Variants in PSMC1 observed in about 807,000 individuals in gnomAD.
PSMC1 encodes the protein 26S proteasome regulatory subunit 4.
A neutral mutation model predicts 49.8 loss-of-function variants in PSMC1; 5 were observed. The observed-to-expected ratio is 0.10, with a 90% CI of 0.05 to 0.21. PSMC1 has a LOEUF of 0.21. Among genes scored for constraint, PSMC1 ranks in the 10% least tolerant of loss-of-function variants. The pLI is 1.00. For missense variants in PSMC1, 181 were observed against 535.7 expected (o/e 0.34, Z 6.54); for synonymous variants, 155 against 192.1 (o/e 0.81, Z 1.60).
chr14:90,268,191 C>CTTTTTTT, intron 7 of PSMC1, 33 bp from the exon 8 acceptor site: 2 of 1,303,802 alleles, frequency 1.5e-6, no homozygotes, highest in African/African-American at 1.5e-5. Flanking sequence ...CTTAAGGTGT[C>CTTTTTTT]TTTTTTTTTT....
rs1891476913 is a variant in PSMC1, at chr14:90,265,010, C to T, written c.595-60C>T. 2.5e-5 allele frequency: 31 copies of T among 1,228,350 alleles called. 1 individual carries two copies. The South Asian group carries it at 3.7e-4, about 14-fold the overall frequency. The allele number at this position is 1,228,350 out of a possible 1,614,324, so 76.1% of individuals were successfully genotyped here. A position where few individuals can be genotyped will look rare whatever the true frequency, so the allele number is the denominator to read the frequency against. ...TTGAAAGCAAGATATTGTCATGTTG[C>T]CAATTAGTAAATATGCTAATAATTT... On this transcript the variant is annotated intron_variant, in intron 6 of 10. Transcript: ENST00000261303.
At chr14:90,267,111 TG>T (rs931226912) in intron 7 of PSMC1, among the ~76,000 whole-genome samples, 2 of 151,946 alleles carry the variant, frequency 1.3e-5, no homozygotes, top group African/African-American at 4.8e-5. Flanking sequence ...GGGCACTCTT[TG>T]CTGACTCTTG....
rs535113398 is a variant in PSMC1 at position 90,258,416 on chromosome 14, G to A, written c.4-744G>A. Among the ~76,000 whole-genome samples the A allele has an allele frequency of 1.9e-3, 287 of 152,310 alleles. 1 individual carries two copies. The highest frequency in any genetic ancestry group is 6.4e-3 in the African/African-American group (264 of 41,562). ...AAGTGCCTGTGTGGAGCTGATTTGA[G>A]GGAGCTGAGTGGGCCCTTCTAATCA... On this transcript the variant is annotated intron_variant, in intron 1 of 10. Transcript: ENST00000261303.
At chr14:90,265,936 A>G (rs7144335) in intron 7 of PSMC1, among the ~76,000 whole-genome samples, 54,423 of 151,862 alleles carry the variant, frequency 0.36, 10,247 homozygotes, top group East Asian at 0.52. Context: ...GGCCAAGCCT[A>G]GGAGCCATAG....
chr14:90,270,312 T>A lies in PSMC1; in HGVS notation c.1148T>A (p.Leu383Gln). 1 of 1,613,706 alleles carries A rather than the reference T, an allele frequency of 6.2e-7. No homozygotes were observed. The highest frequency in any genetic ancestry group is 8.5e-7 in the Non-Finnish European group (1 of 1,179,948). ...TLADDVTLDD[L>Q]IMAKDDLSGA... ...GCTGATGATGTAACCCTGGACGACC[T>A]GATCATGGCTAAAGATGACCTCTCT... The change falls in exon 10 of 11, where the codon CTG becomes CAG. Residue 383 changes from leucine (L) to glutamine (Q), a missense_variant. Coordinates refer to ENST00000261303, the MANE Select transcript of PSMC1 (RefSeq NM_002802.3).
intron 3 of PSMC1, among the ~76,000 whole-genome samples, chr14:90,261,979 AT>A (rs1891407199): frequency 6.6e-6 from 1 of 151,906 alleles, no homozygotes; most frequent in Admixed American, 6.6e-5. Context: ...ATAAAAAAGG[AT>A]GAGTTCATGT....
In PSMC1 at chr14:90,275,118, T is replaced by C. The variant is rs1692443876; in HGVS notation, c.*2711T>C. Reference sequence around the variant, plus strand: ...CCAGGCAAACACAAACTGAGGAACATTCTACAAATTCAGAACACTTCAAAA... The same window carrying C: ...CCAGGCAAACACAAACTGAGGAACACTCTACAAATTCAGAACACTTCAAAA... On this transcript the variant is annotated 3_prime_UTR_variant, in exon 11 of 11. Transcript: ENST00000261303. The C allele has an allele frequency of 6.6e-6, 1 of 152,170 alleles. No homozygotes were observed. The highest frequency in any genetic ancestry group is 2.4e-5 in the African/African-American group (1 of 41,428). The allele number at this position is 152,170 out of a possible 1,614,324, so 9.4% of individuals were successfully genotyped here.
chr14:90,270,480 T>C, intron 10 of PSMC1, 128 bp downstream of exon 10: 1 of 1,043,716 alleles, frequency 9.6e-7, no homozygotes, highest in Non-Finnish European at 1.3e-6. Context: ...ATCATATTGG[T>C]TTACGATTAC....
intron 7 of PSMC1, among the ~76,000 whole-genome samples, chr14:90,265,866 GAAAAA>G (rs80221482): frequency 6.8e-6 from 1 of 147,494 alleles, no homozygotes; most frequent in Non-Finnish European, 1.5e-5. Flanking sequence ...CTGAAAAAAA[GAAAAA>G]AAAAACTGAT....
At chr14:90,257,538 G>A (rs201487865) in intron 1 of PSMC1, among the ~76,000 whole-genome samples, 1 of 152,208 alleles carries the variant, frequency 6.6e-6, no homozygotes, top group East Asian at 1.9e-4. Context: ...AAGGACCTGA[G>A]ATGGGAATGT....
intron 3 of PSMC1, 69 bp downstream of exon 3, chr14:90,260,280 A>G: frequency 1.8e-6 from 2 of 1,124,028 alleles, no homozygotes; most frequent in Non-Finnish European, 2.6e-6. Context: ...CATGTAGCTT[A>G]GAGTCTGAAA....
intron 1 of PSMC1, among the ~76,000 whole-genome samples, chr14:90,257,282 T>C (rs1891312980): frequency 1.3e-5 from 2 of 152,218 alleles, no homozygotes; most frequent in Admixed American, 1.3e-4. Context: ...CCTGCCTTCA[T>C]AGTGCGTACA....
At chr14:90,265,246 T>A in intron 7 of PSMC1, 80 bp downstream of exon 7, 2 of 970,042 alleles carry the variant, frequency 2.1e-6, no homozygotes, top group South Asian at 1.4e-5. Context: ...ATTACTGAAC[T>A]AATAAGAGAG....
intron 3 of PSMC1, among the ~76,000 whole-genome samples, chr14:90,261,195 C>A (rs1891390813): frequency 6.6e-6 from 1 of 152,138 alleles, no homozygotes; most frequent in Admixed American, 6.5e-5. Flanking sequence ...TTTGCCCTTA[C>A]TCACTCCTCT....
chr14:90,270,173 A>C, intron 9 of PSMC1, 25 bp from the exon 10 acceptor site: 1 of 1,609,546 alleles, frequency 6.2e-7, no homozygotes, highest in Non-Finnish European at 8.5e-7. Context: ...TGTTGGTGTG[A>C]CTTCAAATCT....
intron 1 of PSMC1, among the ~76,000 whole-genome samples, 162 bp from the exon 2 acceptor site, chr14:90,258,998 C>G (rs1891346856): frequency 6.6e-6 from 1 of 152,198 alleles, no homozygotes; most frequent in Non-Finnish European, 1.5e-5. Context: ...ACACTAAATG[C>G]ACACATTGAC....
At chr14:90,270,170 G>C in intron 9 of PSMC1, 28 bp from the exon 10 acceptor site, 5 of 1,609,144 alleles carry the variant, frequency 3.1e-6, no homozygotes, top group Middle Eastern at 1.7e-4. Context: ...GGATGTTGGT[G>C]TGACTTCAAA....
chr14:90,262,084 G>C (rs1016695271), intron 3 of PSMC1, among the ~76,000 whole-genome samples: 2 of 148,900 alleles, frequency 1.3e-5, no homozygotes, highest in Admixed American at 1.4e-4. Flanking sequence ...TCACTCATAG[G>C]TGGGAATTGA....
At chr14:90,262,698 C>T (rs1400573264) in intron 3 of PSMC1, among the ~76,000 whole-genome samples, 3 of 151,820 alleles carry the variant, frequency 2.0e-5, no homozygotes, top group Non-Finnish European at 2.9e-5. Flanking sequence ...GCAGGAGAAT[C>T]GCTTGAACCC....
Sources: allele counts gnomAD v4.1 joint callset (sites outside exome capture counted in the v4.1 genomes callset), GRCh38; gene constraint gnomAD v4.1.1; transcripts MANE v1.5; gene names NCBI Gene and HGNC (gene_info 2026-07-23, HGNC 2026-07-21).